The following SLC14A2 variants were observed in gnomAD, a reference collection of about 807,000 sequenced individuals.
SLC14A2 encodes solute carrier family 14 member 2.
SLC14A2 carries 91 observed loss-of-function variants against 104.6 expected under a neutral mutation model. That is an observed-to-expected ratio of 0.87 (90% CI 0.73 to 1.04). The LOEUF (loss-of-function observed/expected upper bound fraction) is 1.04, where lower values mean the gene tolerates loss of function less well. Ranked by LOEUF, SLC14A2 falls within the 50% of genes least tolerant of loss-of-function variation. SLC14A2 has a pLI of 0.00. For synonymous variants in SLC14A2, 476 were observed against 466.4 expected (o/e 1.02, Z -0.27); for missense variants, 1,189 against 1,156.0 (o/e 1.03, Z -0.41).
intron 2 of SLC14A2, among the ~76,000 whole-genome samples, chr18:45,539,538 T>C (rs2043852132): frequency 1.3e-5 from 2 of 152,160 alleles, no homozygotes; most frequent in South Asian, 2.1e-4. Context: ...TCTAGCCCCA[T>C]GTCAGCCAGC....
At chr18:45,618,898 C>T (rs983880931) in intron 1 of SLC14A2, among the ~76,000 whole-genome samples, 24 of 152,116 alleles carry the variant, frequency 1.6e-4, no homozygotes, top group African/African-American at 5.6e-4. Flanking sequence ...CCCCTCTTCA[C>T]TGGGCATGGG....
intron 1 of SLC14A2, among the ~76,000 whole-genome samples, chr18:45,620,674 T>G (rs1030855386): frequency 3.3e-5 from 5 of 152,140 alleles, no homozygotes; most frequent in African/African-American, 1.2e-4. Context: ...AATATAAAAA[T>G]CTTTAAATTC....
At chr18:45,254,375 A>G (rs933585490) in intron 1 of SLC14A2, among the ~76,000 whole-genome samples, 15 of 152,248 alleles carry the variant, frequency 9.9e-5, no homozygotes, top group African/African-American at 3.4e-4. Context: ...CATGTCAGCC[A>G]CTAGGCATCT....
rs183677537 is a variant in SLC14A2, at chr18:45,232,410, C to T, written c.-125+19219C>T. Among the ~76,000 whole-genome samples, 6 of 152,302 alleles carry T rather than the reference C, an allele frequency of 3.9e-5. No individual in the cohort carries two copies. In the East Asian group the frequency reaches 9.6e-4, roughly 24 times the overall value. The stretch of plus-strand genomic sequence containing the variant: ...GATCCAGTCTCCTCCCACCAGGTCC[C>T]GCCCCCAACATTGGGAATTACAATT... On this transcript the variant is annotated intron_variant, in intron 1 of 20. Transcript: ENST00000586448.
intron 2 of SLC14A2, among the ~76,000 whole-genome samples, chr18:45,537,505 T>C (rs1160349585): frequency 2.0e-5 from 3 of 151,930 alleles, no homozygotes; most frequent in Non-Finnish European, 4.4e-5. Context: ...GGCAGCAAAA[T>C]GGCCAGTGTG....
At chr18:45,383,547 G>C (rs1283084782) in intron 1 of SLC14A2, among the ~76,000 whole-genome samples, 3 of 152,178 alleles carry the variant, frequency 2.0e-5, no homozygotes, top group South Asian at 2.1e-4. Context: ...CAGGTTTTCT[G>C]ATAGCCCTCA....
chr18:45,581,820 T>C (rs1014152364), intron 2 of SLC14A2, among the ~76,000 whole-genome samples: 1 of 152,182 alleles, frequency 6.6e-6, no homozygotes, highest in East Asian at 1.9e-4. Flanking sequence ...GCACTACTTC[T>C]AAGATGCCCA....
intron 6 of SLC14A2, among the ~76,000 whole-genome samples, chr18:45,638,350 G>A (rs912001141): frequency 6.6e-6 from 1 of 152,196 alleles, no homozygotes; most frequent in African/African-American, 2.4e-5. Flanking sequence ...ACAAGAGTGA[G>A]CAAAGTTTAA....
chr18:45,657,102 A>G (rs1179582969), intron 10 of SLC14A2, among the ~76,000 whole-genome samples: 1 of 152,168 alleles, frequency 6.6e-6, no homozygotes, highest in Non-Finnish European at 1.5e-5. Context: ...GAGGAAAGGG[A>G]GCCATGGTTT....
intron 11 of SLC14A2, among the ~76,000 whole-genome samples, chr18:45,664,380 G>C (rs914598618): frequency 2.0e-5 from 3 of 152,242 alleles, no homozygotes; most frequent in Non-Finnish European, 1.5e-5. Context: ...AGGCCAGGAA[G>C]AGGGTATCCA....
At chr18:45,364,561 A>T (rs1598724005) in intron 1 of SLC14A2, among the ~76,000 whole-genome samples, 1 of 152,376 alleles carries the variant, frequency 6.6e-6, no homozygotes, top group East Asian at 1.9e-4. Context: ...TGTATACACA[A>T]AAATGTATAT....
At chr18:45,411,110 C>A (rs200628283) in intron 1 of SLC14A2, among the ~76,000 whole-genome samples, 1 of 152,150 alleles carries the variant, frequency 6.6e-6, no homozygotes, top group Non-Finnish European at 1.5e-5. Flanking sequence ...TATTCCCTTA[C>A]GAGCAATAGT....
intron 1 of SLC14A2, among the ~76,000 whole-genome samples, chr18:45,285,171 A>C (rs2144151544): frequency 6.6e-6 from 1 of 152,306 alleles, no homozygotes; most frequent in South Asian, 2.1e-4. Context: ...CTATTGGTAG[A>C]ATAGAGACAG....
At chr18:45,509,277 A>G (rs905159009) in intron 2 of SLC14A2, among the ~76,000 whole-genome samples, 1 of 151,682 alleles carries the variant, frequency 6.6e-6, no homozygotes, top group African/African-American at 2.4e-5. Context: ...TACCTCAGTC[A>G]TCTCCTCCCT....
At chr18:45,256,198 G>A (rs2084476498) in intron 1 of SLC14A2, among the ~76,000 whole-genome samples, 1 of 152,014 alleles carries the variant, frequency 6.6e-6, no homozygotes, top group Non-Finnish European at 1.5e-5. Flanking sequence ...AGAGGAAAGA[G>A]GAGAAAACTC....
At chr18:45,452,308 A>G (rs1315903345) in intron 1 of SLC14A2, among the ~76,000 whole-genome samples, 1 of 152,238 alleles carries the variant, frequency 6.6e-6, no homozygotes, top group Non-Finnish European at 1.5e-5. Context: ...ATACAAGGAT[A>G]ATGAAACACC....
At chr18:45,590,713 C>T (rs72906315) in intron 2 of SLC14A2, among the ~76,000 whole-genome samples, 12,323 of 152,254 alleles carry the variant, frequency 0.081, 673 homozygotes, top group Non-Finnish European at 0.12. Context: ...TCACACCCTG[C>T]AGTTGGCAGC....
Position 45,598,115 on chromosome 18 carries a change from C to T in SLC14A2, c.-34-26516C>T, listed in dbSNP as rs542514752. ...ATTCACACAACAGTTACAGCTCACA[C>T]GTACTGTACTGTAGAGACCCGAGGC... On this transcript the variant is annotated intron_variant, in intron 2 of 20. Coordinates refer to the SLC14A2 transcript ENST00000586448. Among the ~76,000 whole-genome samples, 8 of 152,258 alleles carry T rather than the reference C, an allele frequency of 5.3e-5. No homozygotes were observed. The East Asian group carries it at 5.8e-4, about 11-fold the overall frequency.
intron 1 of SLC14A2, among the ~76,000 whole-genome samples, chr18:45,336,295 G>A (rs1175388406): frequency 6.6e-6 from 1 of 152,204 alleles, no homozygotes; most frequent in East Asian, 1.9e-4. Flanking sequence ...CCTCTGGGCA[G>A]TAGCCTAACT....
Sources: allele counts gnomAD v4.1 joint callset (sites outside exome capture counted in the v4.1 genomes callset), GRCh38; gene constraint gnomAD v4.1.1; transcripts MANE v1.5; gene names NCBI Gene and HGNC (gene_info 2026-07-23, HGNC 2026-07-21).